TMEM117: variants seen among roughly 807,000 people sequenced by gnomAD.
TMEM117 encodes the protein transmembrane protein 117.
TMEM117 carries 27 observed loss-of-function variants against 52.4 expected under a neutral mutation model. That is an observed-to-expected ratio of 0.51 (90% CI 0.38 to 0.71). TMEM117 has a LOEUF of 0.71. Ranked by LOEUF, TMEM117 falls within the 30% of genes least tolerant of loss-of-function variation. The pLI is 0.00. For missense variants in TMEM117, 556 were observed against 630.5 expected (o/e 0.88, Z 1.26); for synonymous variants, 215 against 206.3 (o/e 1.04, Z -0.36).
intron 3 of TMEM117, among the ~76,000 whole-genome samples, chr12:44,035,669 A>G (rs948421887): frequency 3.9e-5 from 6 of 152,186 alleles, no homozygotes; most frequent in Admixed American, 1.3e-4. Context: ...CTTAAAGTCT[A>G]TAATCTTTAT....
chr12:44,116,541 A>G (rs1283654818), intron 3 of TMEM117, among the ~76,000 whole-genome samples: 1 of 152,154 alleles, frequency 6.6e-6, no homozygotes. Context: ...TAGCCTGAAT[A>G]TTCTTGTATC....
chr12:44,181,662 G>A (rs895302837), intron 4 of TMEM117, among the ~76,000 whole-genome samples: 1 of 151,934 alleles, frequency 6.6e-6, no homozygotes, highest in African/African-American at 2.4e-5. Context: ...TCAGATAGTT[G>A]TAGATATGTG....
intron 5 of TMEM117, among the ~76,000 whole-genome samples, chr12:44,243,437 T>C (rs936393722): frequency 1.3e-5 from 2 of 151,962 alleles, no homozygotes; most frequent in Non-Finnish European, 2.9e-5. Flanking sequence ...TAAATACTAA[T>C]TTTAAATAAA....
the TMEM117 span, among the ~76,000 whole-genome samples, chr12:43,812,763 T>C: frequency 1.3e-5 from 2 of 151,752 alleles, no homozygotes; most frequent in African/African-American, 4.8e-5. Context: ...CGCAGGACTT[T>C]TGAGGCTGAG....
Position 43,952,231 on chromosome 12 carries a change from T to C in TMEM117, c.410+7889T>C, listed in dbSNP as rs114975289. On this transcript the variant is annotated intron_variant, in intron 3 of 7. Transcript: ENST00000266534. ...AATCCCGGAAGCCGGAATGCCTCTT[T>C]TCCTCCAAATGATCACAATATCTCT... Among the ~76,000 whole-genome samples, 1,063 of 152,202 alleles carry C rather than the reference T, an allele frequency of 7.0e-3. 11 individuals are homozygous for C. Among genetic ancestry groups the C allele is most frequent in the African/African-American group, 0.023 (959 of 41,522 alleles).
At chr12:43,798,878 T>C in the TMEM117 span, among the ~76,000 whole-genome samples, 2 of 152,024 alleles carry the variant, frequency 1.3e-5, no homozygotes, top group Admixed American at 1.3e-4. Context: ...AGAAAACACA[T>C]TAAAAATAAT....
rs568624366 is a variant in TMEM117 at position 43,952,070 on chromosome 12, A to G, written c.410+7728A>G. On this transcript the variant is annotated intron_variant, in intron 3 of 7. Coordinates refer to ENST00000266534, the MANE Select transcript of TMEM117 (RefSeq NM_032256.3). ...GGGCCTGACTGTTAGAAGACAAACA[A>G]ACAGAAAGCAACAATAACAACAGCA... 4.2e-4 allele frequency among the ~76,000 whole-genome samples: 64 copies of G among 152,250 alleles called. 1 individual carries two copies. The highest frequency in any genetic ancestry group is 2.6e-4 in the Non-Finnish European group (18 of 68,020).
At chr12:44,311,290 A>G (rs1950971718) in intron 6 of TMEM117, among the ~76,000 whole-genome samples, 1 of 152,116 alleles carries the variant, frequency 6.6e-6, no homozygotes, top group Admixed American at 6.6e-5. Flanking sequence ...TCATTTGGCA[A>G]GTCGAATAAG....
chr12:44,269,641 A>T (rs747994530), intron 5 of TMEM117, among the ~76,000 whole-genome samples: 1 of 152,016 alleles, frequency 6.6e-6, no homozygotes, highest in Non-Finnish European at 1.5e-5. Flanking sequence ...CATTGGAATT[A>T]TGATTACCTT....
intron 3 of TMEM117, among the ~76,000 whole-genome samples, chr12:44,130,412 T>C (rs1272600859): frequency 6.6e-6 from 1 of 152,202 alleles, no homozygotes; most frequent in African/African-American, 2.4e-5. Flanking sequence ...TTAGGCCCTT[T>C]GCTTTCTTAC....
At chr12:43,852,506 G>A (rs1592307136) in intron 2 of TMEM117, among the ~76,000 whole-genome samples, 1 of 152,324 alleles carries the variant, frequency 6.6e-6, no homozygotes, top group East Asian at 1.9e-4. Context: ...GGAGGCTGAG[G>A]CAGCAAAATC....
At chr12:43,977,718 A>G (rs1191901640) in intron 3 of TMEM117, among the ~76,000 whole-genome samples, 1 of 152,112 alleles carries the variant, frequency 6.6e-6, no homozygotes, top group African/African-American at 2.4e-5. Context: ...TGAGAGTTAT[A>G]TGGGATGCCT....
rs1565804568 is a variant in TMEM117 at position 44,042,803 on chromosome 12, CA to C, written c.410+98462del. Among the ~76,000 whole-genome samples the C allele has an allele frequency of 1.1e-3, 158 of 140,776 alleles. 1 individual carries two copies. Among genetic ancestry groups the C allele is most frequent in the South Asian group, 3.3e-3 (15 of 4,608 alleles). The allele number at this position is 140,776 out of a possible 152,430, so 92.4% of individuals were successfully genotyped here. A position where few individuals can be genotyped will look rare whatever the true frequency, so the allele number is the denominator to read the frequency against. On this transcript the variant is annotated intron_variant, in intron 3 of 7. Coordinates refer to ENST00000266534, the MANE Select transcript of TMEM117 (RefSeq NM_032256.3). Reference sequence around the variant, plus strand: ...ACACACACACACACACACACACACACACACACTTATTAGTTCTGCCCCTCTA... The same window carrying C: ...ACACACACACACACACACACACACACCACACTTATTAGTTCTGCCCCTCTA...
At chr12:44,026,623 A>G (rs1369467700) in intron 3 of TMEM117, among the ~76,000 whole-genome samples, 3 of 152,118 alleles carry the variant, frequency 2.0e-5, no homozygotes, top group Non-Finnish European at 4.4e-5. Flanking sequence ...TGTTATACTT[A>G]TGAGAGTAGG....
intron 4 of TMEM117, among the ~76,000 whole-genome samples, chr12:44,171,023 T>A (rs1466198729): frequency 6.7e-6 from 1 of 149,002 alleles, no homozygotes; most frequent in Non-Finnish European, 1.5e-5. Context: ...CTTTTTTTTT[T>A]TTTTTTTTTT....
chr12:43,994,023 GA>G (rs1266279168), intron 3 of TMEM117, among the ~76,000 whole-genome samples: 20 of 152,222 alleles, frequency 1.3e-4, no homozygotes, highest in African/African-American at 4.8e-4. Flanking sequence ...CAAAGCTCAT[GA>G]GAATGTTTTC....
intron 2 of TMEM117, among the ~76,000 whole-genome samples, chr12:43,845,296 AC>A (rs1267583404): frequency 6.6e-6 from 1 of 151,790 alleles, no homozygotes; most frequent in African/African-American, 2.4e-5. Context: ...CCTCATCTCT[AC>A]TAAAAATACA....
At chr12:44,248,031 C>T (rs1950151842) in intron 5 of TMEM117, among the ~76,000 whole-genome samples, 1 of 152,132 alleles carries the variant, frequency 6.6e-6, no homozygotes, top group African/African-American at 2.4e-5. Flanking sequence ...TAACAGCTTC[C>T]AGTTTGGGTC....
At chr12:44,116,246 G>A (rs1194969529) in intron 3 of TMEM117, among the ~76,000 whole-genome samples, 1 of 151,840 alleles carries the variant, frequency 6.6e-6, no homozygotes, top group Non-Finnish European at 1.5e-5. Flanking sequence ...AATACTCTTC[G>A]AATGTGTTCT....
Sources: gnomAD v4.1 joint callset for allele counts (sites outside exome capture counted in the v4.1 genomes callset) on GRCh38, gnomAD v4.1.1 for gene constraint, MANE v1.5 for transcripts, NCBI Gene and HGNC (gene_info 2026-07-23, HGNC 2026-07-21) for gene names.